The following NPFFR2 variants were observed in gnomAD, a reference collection of about 807,000 sequenced individuals.
NPFFR2 encodes the protein G-protein coupled receptor 74.
NPFFR2 carries 15 observed loss-of-function variants against 13.1 expected under a neutral mutation model. The ratio of observed to expected loss-of-function variants is 1.15; its 90% CI spans 0.77 to 1.76. NPFFR2 has a LOEUF of 1.76. Among genes scored for constraint, NPFFR2 ranks in the 40% most tolerant of loss-of-function variants. The probability of loss-of-function intolerance (pLI) is 0.00; values close to 1 mark genes in which losing one functional copy is unlikely to be tolerated. For synonymous variants in NPFFR2, 190 were observed against 175.7 expected, an observed-to-expected ratio of 1.08 and a Z score of -0.65; for missense variants, 572 against 503.5, an observed-to-expected ratio of 1.14 and a Z score of -1.30.
At chr4:72,104,691 C>G (rs1187611226) in intron 1 of NPFFR2, among the ~76,000 whole-genome samples, 1 of 151,978 alleles carries the variant, frequency 6.6e-6, no homozygotes, top group Non-Finnish European at 1.5e-5. Flanking sequence ...TTAATGAGGT[C>G]TTTCCAAAAG....
chr4:72,073,335 T>G (rs1720320870), intron 1 of NPFFR2, among the ~76,000 whole-genome samples: 1 of 152,014 alleles, frequency 6.6e-6, no homozygotes, highest in Non-Finnish European at 1.5e-5. Context: ...AACTACAATG[T>G]ACCAACAAAA....
intron 3 of NPFFR2, among the ~76,000 whole-genome samples, chr4:72,144,598 G>A (rs1049378952): frequency 2.0e-5 from 3 of 151,940 alleles, no homozygotes; most frequent in Non-Finnish European, 4.4e-5. Context: ...ACGTTCCAAA[G>A]CACCTACTGT....
At chr4:72,042,653 G>A (rs1006038722) in intron 1 of NPFFR2, among the ~76,000 whole-genome samples, 14 of 152,154 alleles carry the variant, frequency 9.2e-5, no homozygotes, top group Non-Finnish European at 1.6e-4. Context: ...ACTCTTGTAT[G>A]CTTTAGCAAA....
At chr4:72,135,391 G>T (rs561069793) in intron 2 of NPFFR2, among the ~76,000 whole-genome samples, 2 of 151,930 alleles carry the variant, frequency 1.3e-5, no homozygotes, top group East Asian at 3.9e-4. Flanking sequence ...AGATATTAGA[G>T]ATTCTGGATT....
chr4:72,060,503 A>T (rs1719889548), intron 1 of NPFFR2, among the ~76,000 whole-genome samples: 1 of 152,192 alleles, frequency 6.6e-6, no homozygotes. Flanking sequence ...GATACAATGA[A>T]GAGGTAGATT....
chr4:72,123,066 G>A (rs1418381313), intron 1 of NPFFR2, among the ~76,000 whole-genome samples: 1 of 152,062 alleles, frequency 6.6e-6, no homozygotes, highest in East Asian at 1.9e-4. Flanking sequence ...AAATTATAAA[G>A]GGGATATCAT....
intron 1 of NPFFR2, among the ~76,000 whole-genome samples, chr4:72,112,876 A>G (rs1368565864): frequency 6.6e-6 from 1 of 151,904 alleles, no homozygotes; most frequent in Non-Finnish European, 1.5e-5. Flanking sequence ...TTTACCGGTT[A>G]TATAGATTAA....
intron 1 of NPFFR2, among the ~76,000 whole-genome samples, chr4:72,115,507 G>A (rs1352456156): frequency 6.6e-6 from 1 of 152,132 alleles, no homozygotes; most frequent in Non-Finnish European, 1.5e-5. Flanking sequence ...CTGAGCATGT[G>A]TGTCCTTGGT....
At chr4:72,125,544 G>A (rs923134346) in intron 1 of NPFFR2, among the ~76,000 whole-genome samples, 1 of 152,162 alleles carries the variant, frequency 6.6e-6, no homozygotes, top group South Asian at 2.1e-4. Context: ...CAGAAGTCTG[G>A]AATGGTTTCC....
In NPFFR2 at chr4:72,147,294, G is replaced by T. The variant is rs552549398; in HGVS notation, c.745G>T (p.Ala249Ser). The T allele has an allele frequency of 5.0e-6, 8 of 1,613,978 alleles. No homozygotes were observed. The South Asian group carries it at 7.7e-5, about 16-fold the overall frequency. ...AAGGATTGGAATTTCACTCTTCAGG[G>T]CTGCAGTTCCTCACACAGGCAGGAA... Reference protein sequence around the residue: ...YGRIGISLFRAAVPHTGRKNQ... With the variant: ...YGRIGISLFRSAVPHTGRKNQ... The change falls in exon 4 of 4, where the codon GCT (alanine) becomes TCT (serine). Residue 249 changes from alanine (A) to serine (S), a missense_variant. By Grantham distance (99) the Ala-to-Ser change is moderately conservative. Coordinates refer to ENST00000308744, the MANE Select transcript of NPFFR2 (RefSeq NM_004885.3).
chr4:72,064,778 A>G (rs1448335342), intron 1 of NPFFR2, among the ~76,000 whole-genome samples: 1 of 152,178 alleles, frequency 6.6e-6, no homozygotes, highest in Non-Finnish European at 1.5e-5. Flanking sequence ...TTAGTGTTCT[A>G]CTGAAATGAC....
intron 1 of NPFFR2, among the ~76,000 whole-genome samples, chr4:72,038,584 T>TC (rs1195059400): frequency 2.6e-5 from 4 of 152,118 alleles, no homozygotes; most frequent in African/African-American, 9.7e-5. Flanking sequence ...ATATTTTTTT[T>TC]CCTGTAATAT....
chr4:72,059,474 A>T (rs1482307976), intron 1 of NPFFR2, among the ~76,000 whole-genome samples: 1 of 152,122 alleles, frequency 6.6e-6, no homozygotes, highest in Non-Finnish European at 1.5e-5. Flanking sequence ...TCATTTTCCA[A>T]GACTTATCTG....
At chr4:72,137,090 C>T (rs1365247842) in intron 2 of NPFFR2, among the ~76,000 whole-genome samples, 1 of 152,056 alleles carries the variant, frequency 6.6e-6, no homozygotes, top group African/African-American at 2.4e-5. Flanking sequence ...AAAAGACATT[C>T]TCTTTTAGTT....
intron 1 of NPFFR2, among the ~76,000 whole-genome samples, chr4:72,071,821 C>T (rs1342923602): frequency 9.2e-5 from 14 of 152,124 alleles, no homozygotes; most frequent in Admixed American, 9.2e-4. Flanking sequence ...AAGCCCTTCC[C>T]CTTCTGACTG....
At chr4:72,065,219 A>G (rs4276255) in intron 1 of NPFFR2, among the ~76,000 whole-genome samples, 136,843 of 152,148 alleles carry the variant, frequency 0.9, 62,508 homozygotes, top group Non-Finnish European at 0.98. Flanking sequence ...ATAATTCCAT[A>G]GGCAAGTGGA....
At chr4:72,072,314 T>C (rs1720280408) in intron 1 of NPFFR2, among the ~76,000 whole-genome samples, 1 of 151,318 alleles carries the variant, frequency 6.6e-6, no homozygotes, top group East Asian at 1.9e-4. Flanking sequence ...AAGCAAGACA[T>C]GAAGAATGCC....
chr4:72,147,114 T>C lies in NPFFR2; in HGVS notation c.565T>C (p.Tyr189His). 1 of 1,613,944 alleles carries C rather than the reference T, an allele frequency of 6.2e-7. No homozygotes were observed. The highest frequency in any genetic ancestry group is 8.5e-7 in the Non-Finnish European group (1 of 1,179,986). ...AVMLHVQEEK[Y>H]YRVRLNSQNK... ...AATGTTACATGTGCAAGAAGAAAAA[T>C]ATTACCGAGTGAGACTCAACTCCCA... The change falls in exon 4 of 4, where the codon TAT (tyrosine) becomes CAT (histidine). Residue 189 changes from tyrosine to histidine, a missense_variant. By Grantham distance (83) the Tyr-to-His change is moderately conservative. Transcript: ENST00000308744.
intron 1 of NPFFR2, among the ~76,000 whole-genome samples, chr4:72,085,183 C>T (rs534634274): frequency 1.3e-5 from 2 of 152,210 alleles, no homozygotes; most frequent in Admixed American, 1.3e-4. Context: ...TTTCCACATT[C>T]TTCAGCCCAT....
Sources: allele counts gnomAD v4.1 joint callset (sites outside exome capture counted in the v4.1 genomes callset), GRCh38; gene constraint gnomAD v4.1.1; transcripts MANE v1.5; gene names NCBI Gene and HGNC (gene_info 2026-07-23, HGNC 2026-07-21).